The following RUBCN variants were observed in gnomAD, a reference collection of about 807,000 sequenced individuals.
RUBCN encodes rubicon autophagy regulator.
RUBCN carries 74 observed loss-of-function variants against 113.2 expected under a neutral mutation model. The observed-to-expected ratio is 0.65, with a 90% CI of 0.54 to 0.79. The LOEUF is 0.79. RUBCN is among the 30% of genes least tolerant of loss of function. The probability of loss-of-function intolerance (pLI) is 0.00; values close to 1 mark genes in which losing one functional copy is unlikely to be tolerated. For missense variants in RUBCN, 1,109 were observed against 1,251.7 expected (o/e 0.89, Z 1.72); for synonymous variants, 480 against 490.0 (o/e 0.98, Z 0.27).
At chr3:197,732,392 C>T (rs1443061931) in intron 1 of RUBCN, among the ~76,000 whole-genome samples, 3 of 152,212 alleles carry the variant, frequency 2.0e-5, no homozygotes, top group Non-Finnish European at 4.4e-5. Flanking sequence ...CGGCTCACTG[C>T]AAGCTCCGCC....
In RUBCN at chr3:197,675,358, G is replaced by T; in HGVS notation, c.2740+64C>A. 1.5e-5 allele frequency: 23 copies of T among 1,527,496 alleles called. No individual in the cohort carries two copies. The South Asian group carries it at 2.2e-4, about 15-fold the overall frequency. The allele number at this position is 1,527,496 out of a possible 1,614,324, so 94.6% of individuals were successfully genotyped here. On this transcript the variant is annotated intron_variant, in intron 19 of 19. Coordinates refer to ENST00000296343, the MANE Select transcript of RUBCN (RefSeq NM_014687.4). This position sits in a 1 kb window ranked among gnomAD's most constrained non-coding sequence, Gnocchi z 4.4. ...CACCGAACTCTTGCTAACAGGGGTG[G>T]CTCTGGGGAATCAAGGAGCCCTGTG...
Position 197,673,312 on chromosome 3 carries a change from T to A in RUBCN, c.*1706A>T, listed in dbSNP as rs972129038. ...TCTCACGCTGGTGGAGCCTCAGCCC[T>A]GGCCATCACCTTAATGCCTCTCCCA... On this transcript the variant is annotated 3_prime_UTR_variant, in exon 20 of 20. Transcript: ENST00000296343. 6.6e-6 allele frequency: 1 copy of A among 152,394 alleles called. No individual in the cohort carries two copies. Among genetic ancestry groups the A allele is most frequent in the Non-Finnish European group, 1.5e-5 (1 of 68,112 alleles). 9.4% of individuals were successfully genotyped at this position (152,394 alleles called of 1,614,324 possible). A position where few individuals can be genotyped will look rare whatever the true frequency, so the allele number is the denominator to read the frequency against.
intron 1 of RUBCN, among the ~76,000 whole-genome samples, chr3:197,743,286 T>C (rs570768433): frequency 4.6e-5 from 7 of 151,940 alleles, no homozygotes; most frequent in Middle Eastern, 3.4e-3. Flanking sequence ...ACCCCGTCTG[T>C]CATGTTCTCT....
At chr3:197,696,808 G>C in intron 8 of RUBCN, 146 bp downstream of exon 8, 1 of 632,514 alleles carries the variant, frequency 1.6e-6, no homozygotes, top group Admixed American at 2.2e-5. Flanking sequence ...TAGCACGGGG[G>C]TTAAAAATGA....
Position 197,700,977 on chromosome 3 carries a change from C to A in RUBCN, c.897G>T (p.Leu299=). 6.2e-7 allele frequency: 1 copy of A among 1,614,134 alleles called. No individual in the cohort carries two copies. The highest frequency in any genetic ancestry group is 1.1e-5 in the South Asian group (1 of 91,066). ...CCCAGGATGCCTCTATGGGGCTGGTCAGAGTACTGGAGCTCATTTCATTTG... is the reference window on the plus strand; with the variant it reads ...CCCAGGATGCCTCTATGGGGCTGGTAAGAGTACTGGAGCTCATTTCATTTG... ...LTPNEMSSST[L]TSPIEASWVS... Residue 299 remains leucine (L), a synonymous_variant, in exon 7 of 20, where the codon CTG becomes CTT. Transcript: ENST00000296343.
At chr3:197,689,898 G>T (rs761078407) in intron 11 of RUBCN, among the ~76,000 whole-genome samples, 2 of 152,070 alleles carry the variant, frequency 1.3e-5, no homozygotes, top group Non-Finnish European at 2.9e-5. Context: ...CTGAACACTA[G>T]AACTCATCCC....
intron 7 of RUBCN, chr3:197,699,232 C>T: frequency 6.5e-7 from 1 of 1,548,370 alleles, no homozygotes. Flanking sequence ...CTGGGGCCTC[C>T]TGCCGGTAGA....
intron 1 of RUBCN, among the ~76,000 whole-genome samples, chr3:197,727,209 G>A (rs1300148744): frequency 6.6e-6 from 1 of 152,144 alleles, no homozygotes; most frequent in Admixed American, 6.5e-5. Flanking sequence ...CAAAGTGCTG[G>A]GATTACAGGC....
intron 5 of RUBCN, 133 bp downstream of exon 5, chr3:197,703,397 CAAAAAAAAAAAAAAAAAA>C (rs1165064210): frequency 4.4e-3 from 679 of 155,718 alleles, no homozygotes; most frequent in Non-Finnish European, 5.8e-3. Flanking sequence ...GACTCTGTCT[CAAAAAAAAAAAAAAAAAA>C]AAAAAAAAAA....
At chr3:197,737,058 C>T, upstream of RUBCN, 1 of 645,364 alleles carries the variant, frequency 1.5e-6, no homozygotes, top group Non-Finnish European at 2.1e-6. Context: ...CAATCCCAGG[C>T]CGCTCCCGCA....
At chr3:197,690,640 C>T (rs962978694) in intron 11 of RUBCN, among the ~76,000 whole-genome samples, 4 of 152,186 alleles carry the variant, frequency 2.6e-5, no homozygotes, top group Non-Finnish European at 4.4e-5. Flanking sequence ...TAAAAGTTGG[C>T]TCTGCAAATT....
intron 18 of RUBCN, chr3:197,676,213 C>T: frequency 1.0e-6 from 1 of 990,552 alleles, no homozygotes; most frequent in Non-Finnish European, 1.2e-6. Context: ...AAATCGAGGC[C>T]TCAGAGGGGA....
intron 1 of RUBCN, among the ~76,000 whole-genome samples, chr3:197,735,802 G>A (rs566500562): frequency 6.6e-6 from 1 of 152,004 alleles, no homozygotes; most frequent in Non-Finnish European, 1.5e-5. Context: ...AGGTTACCCA[G>A]GCTGGTCTCA....
intron 2 of RUBCN, among the ~76,000 whole-genome samples, chr3:197,713,995 A>G (rs1329770865): frequency 6.6e-6 from 1 of 152,000 alleles, no homozygotes; most frequent in Admixed American, 6.6e-5. Context: ...AGAATGGCGT[A>G]AACCCGGGAG....
In RUBCN at chr3:197,701,108, G is replaced by A. The variant is rs766088939; in HGVS notation, c.766C>T (p.Arg256Trp). Residue 256 changes from arginine (R) to tryptophan (W), a missense_variant, in exon 7 of 20, where the codon CGG becomes TGG. By Grantham distance (101) the Arg-to-Trp change is moderately radical (BLOSUM62 -3). This residue lies in a region of RUBCN where 736 missense variants were observed against 779.6 expected (regional missense o/e 0.94). Transcript: ENST00000296343. ...TGCCCTCTGCTTTCTTGAGGTTTCC[G>A]GGGAGGGCCAGAGAGTGGAAAGGAA... Reference protein sequence around the residue: ...STSFPLSGPPRKPQESRGHVS... With the variant: ...STSFPLSGPPWKPQESRGHVS... 2.6e-5 allele frequency: 41 copies of A among 1,583,632 alleles called. No individual in the cohort carries two copies. Among genetic ancestry groups the A allele is most frequent in the Non-Finnish European group, 2.9e-5 (34 of 1,162,952 alleles).
chr3:197,726,940 ATTT>A (rs1169226625), intron 1 of RUBCN, among the ~76,000 whole-genome samples: 4 of 131,776 alleles, frequency 3.0e-5, no homozygotes, highest in Non-Finnish European at 6.5e-5. Context: ...TGCACATTCT[ATTT>A]TTTTTTTTTT....
chr3:197,748,058 A>C (rs1289618596), intron 1 of RUBCN: 1 of 151,978 alleles, frequency 6.6e-6, no homozygotes, highest in Admixed American at 6.6e-5. Context: ...CAGCCTCCCA[A>C]GTAGCTGAGA....
intron 11 of RUBCN, among the ~76,000 whole-genome samples, chr3:197,685,640 T>C (rs548011089): frequency 1.3e-5 from 2 of 152,366 alleles, no homozygotes; most frequent in Non-Finnish European, 2.9e-5. Context: ...GTCAAATCTG[T>C]TGGTTTTCCT....
At position 197,700,713 on chromosome 3, in the gene RUBCN, G is replaced by A. The variant is rs368476866; in HGVS notation, c.1161C>T (p.Ser387=). ...ESQLSSVLRR[S]SFSEGQTLTV... ...TGAGTGTCTGCCCCTCTGAGAAGCT[G>A]GACCTGCGGAGGACACTGGACAGCT... Residue 387 remains serine, a synonymous_variant, in exon 7 of 20, where the codon TCC becomes TCT. Coordinates refer to ENST00000296343, the MANE Select transcript of RUBCN (RefSeq NM_014687.4). The A allele has an allele frequency of 3.9e-4, 627 of 1,614,206 alleles. No individual in the cohort carries two copies. Among genetic ancestry groups the A allele is most frequent in the Non-Finnish European group, 5.0e-4 (585 of 1,180,036 alleles).
Sources: gnomAD v4.1 joint callset for allele counts (sites outside exome capture counted in the v4.1 genomes callset) on GRCh38, gnomAD v4.1.1 for gene constraint, gnomAD v4.1.1 regional missense constraint, Gnocchi (gnomAD v3.1) non-coding constraint, MANE v1.5 for transcripts, NCBI Gene and HGNC (gene_info 2026-07-23, HGNC 2026-07-21) for gene names.